The following ATP10A variants were observed in gnomAD, a reference collection of about 807,000 sequenced individuals.
ATP10A encodes phospholipid-transporting ATPase VA.
In ATP10A, 111 loss-of-function variants were observed where a neutral mutation model predicts 147.8. The ratio of observed to expected loss-of-function variants is 0.75; its 90% CI spans 0.64 to 0.88. The LOEUF (loss-of-function observed/expected upper bound fraction) is 0.88. ATP10A is among the 40% of genes least tolerant of loss of function. The pLI, the probability that ATP10A is intolerant of heterozygous loss-of-function variation, is 0.00. For synonymous variants in ATP10A, 875 were observed against 841.6 expected (o/e 1.04, Z -0.69); for missense variants, 1,927 against 1,959.0 (o/e 0.98, Z 0.31).
In ATP10A at chr15:25,759,446, T is replaced by C. The variant is rs922456469; in HGVS notation, c.654+21573A>G. 1.1e-4 allele frequency among the ~76,000 whole-genome samples: 17 copies of C among 152,236 alleles called. 1 individual carries two copies. Among genetic ancestry groups the C allele is most frequent in the Middle Eastern group, 6.8e-3 (2 of 294 alleles). ...AGCATTAGTATGAAAAGTACACTGATGGGAGGGAGGAGTTTGAGCCTCTGT... is the reference window on the plus strand; with the variant it reads ...AGCATTAGTATGAAAAGTACACTGACGGGAGGGAGGAGTTTGAGCCTCTGT... On this transcript the variant is annotated intron_variant, in intron 2 of 20. Coordinates refer to ENST00000555815, the MANE Select transcript of ATP10A (RefSeq NM_024490.4).
chr15:25,754,014 G>A (rs1016195561), intron 2 of ATP10A, among the ~76,000 whole-genome samples: 1 of 152,122 alleles, frequency 6.6e-6, no homozygotes, highest in Non-Finnish European at 1.5e-5. Context: ...TGCCTAGGCT[G>A]GTCTCAAACT....
Position 25,683,466 on chromosome 15 carries a change from A to C in ATP10A, c.3312T>G (p.Phe1104Leu), listed in dbSNP as rs1481179978. The C allele has an allele frequency of 1.9e-6, 3 of 1,613,694 alleles. No homozygotes were observed. Among genetic ancestry groups the C allele is most frequent in the East Asian group, 4.5e-5 (2 of 44,888 alleles). ...YKNTMFVGLLFWFQFFCGFSA... is the reference protein window; with the variant it reads ...YKNTMFVGLLLWFQFFCGFSA... ...AGAAGCCACAGAAAAACTGGAACCA[A>C]AACAGGAGGCCCACGAACATCTGAA... The change falls in exon 17 of 21, where the codon TTT becomes TTG. Residue 1104 changes from phenylalanine to leucine, a missense_variant. Transcript: ENST00000555815.
chr15:25,860,236 C>T (rs990341947), intron 1 of ATP10A, among the ~76,000 whole-genome samples: 3 of 152,152 alleles, frequency 2.0e-5, no homozygotes, highest in Non-Finnish European at 4.4e-5. Flanking sequence ...TCTCTCACTG[C>T]AGCACCCACT....
intron 2 of ATP10A, among the ~76,000 whole-genome samples, chr15:25,754,389 C>T (rs192128561): frequency 6.6e-6 from 1 of 152,224 alleles, no homozygotes; most frequent in Admixed American, 6.5e-5. Flanking sequence ...CTGCTTTGGC[C>T]TCAAAAGTTC....
chr15:25,810,320 G>T (rs1467149920), intron 1 of ATP10A, among the ~76,000 whole-genome samples: 1 of 152,176 alleles, frequency 6.6e-6, no homozygotes, highest in Admixed American at 6.5e-5. Context: ...CCACAGGGAG[G>T]ACAGCTCTGT....
Position 25,795,785 on chromosome 15 carries a change from C to T in ATP10A, c.450-14562G>A, listed in dbSNP as rs556824461. On this transcript the variant is annotated intron_variant, in intron 1 of 20. Coordinates refer to ENST00000555815, the MANE Select transcript of ATP10A (RefSeq NM_024490.4). Reference sequence around the variant, plus strand: ...ACCTCTGCTGAAGACCGATCCCCAGCGTTAGAGGTGGGGCCTCATGGGAGG... The same window carrying T: ...ACCTCTGCTGAAGACCGATCCCCAGTGTTAGAGGTGGGGCCTCATGGGAGG... Among the ~76,000 whole-genome samples, 8 of 152,270 alleles carry T rather than the reference C, an allele frequency of 5.3e-5. No individual in the cohort carries two copies. In the South Asian group the frequency reaches 8.3e-4, roughly 16 times the overall value.
chr15:25,679,965 G>C lies in ATP10A; in HGVS notation c.3876C>G (p.Phe1292Leu), dbSNP rs372296164. The change falls in exon 21 of 21, where the codon TTC becomes TTG. Residue 1292 changes from phenylalanine (F) to leucine (L), a missense_variant. Phe to Leu is a conservative substitution (Grantham distance 22). Coordinates refer to ENST00000555815, the MANE Select transcript of ATP10A (RefSeq NM_024490.4). ...GGAAAACCCTCCCCTGGAGGGATCT[G>C]AAAAACAATCTAGAAAAAGTACATT... ...PVAALLPRLF[F>L]RSLQGRVFPT... 10 of 1,591,602 alleles carry C rather than the reference G, an allele frequency of 6.3e-6. No individual in the cohort carries two copies. In the African/African-American group the frequency reaches 1.2e-4, roughly 19 times the overall value.
At chr15:25,683,069 A>T in intron 17 of ATP10A, among the ~76,000 whole-genome samples, 1 of 151,382 alleles carries the variant, frequency 6.6e-6, no homozygotes, top group East Asian at 1.9e-4. Flanking sequence ...GCTCCTGGAG[A>T]CTCTTGGAGG....
intron 1 of ATP10A, among the ~76,000 whole-genome samples, chr15:25,809,601 C>T (rs544868829): frequency 2.4e-4 from 37 of 152,226 alleles, no homozygotes; most frequent in South Asian, 6.2e-4. Flanking sequence ...TTAAACCCTT[C>T]GTTTTTATTC....
intron 2 of ATP10A, among the ~76,000 whole-genome samples, chr15:25,760,531 C>T (rs111578375): frequency 1.3e-5 from 2 of 152,130 alleles, no homozygotes; most frequent in African/African-American, 4.8e-5. Flanking sequence ...AGTGTTATGT[C>T]TTCAGGGCAG....
intron 2 of ATP10A, among the ~76,000 whole-genome samples, chr15:25,753,339 T>C (rs1888249575): frequency 6.6e-6 from 1 of 152,216 alleles, no homozygotes; most frequent in Admixed American, 6.5e-5. Context: ...GTACATGAGA[T>C]ACTTGTCTTT....
At chr15:25,756,375 G>A (rs1888409134) in intron 2 of ATP10A, among the ~76,000 whole-genome samples, 1 of 152,238 alleles carries the variant, frequency 6.6e-6, no homozygotes, top group Non-Finnish European at 1.5e-5. Context: ...CAGGCGCGGT[G>A]GCTCACGCCT....
intron 2 of ATP10A, among the ~76,000 whole-genome samples, chr15:25,760,904 G>C (rs1254817437): frequency 6.6e-6 from 1 of 152,132 alleles, no homozygotes; most frequent in African/African-American, 2.4e-5. Flanking sequence ...TCCACCTCTG[G>C]ATTTATCTAA....
intron 8 of ATP10A, among the ~76,000 whole-genome samples, chr15:25,717,784 C>A (rs897090781): frequency 6.6e-6 from 1 of 152,292 alleles, no homozygotes; most frequent in African/African-American, 2.4e-5. Flanking sequence ...AATGTCTGGG[C>A]GGCTGACAAG....
intron 2 of ATP10A, among the ~76,000 whole-genome samples, chr15:25,769,083 T>A (rs1889190894): frequency 6.6e-6 from 1 of 152,170 alleles, no homozygotes; most frequent in African/African-American, 2.4e-5. Context: ...CACACATGCA[T>A]GCACACGCGC....
Position 25,687,768 on chromosome 15 carries a change from G to C in ATP10A, c.3226C>G (p.Leu1076Val). The change falls in exon 16 of 21, where the codon CTT becomes GTT. Residue 1076 changes from leucine to valine, a missense_variant. Transcript: ENST00000555815. ...KFRYLERLLI[L>V]HGHWCYSRLA... ...CGGGAGTAGCACCAATGCCCGTGAA[G>C]AATCAAGAGCCTCTCCAGGTATCGG... 6.2e-7 allele frequency: 1 copy of C among 1,613,678 alleles called. No individual in the cohort carries two copies. The highest frequency in any genetic ancestry group is 8.5e-7 in the Non-Finnish European group (1 of 1,179,678).
At chr15:25,707,829 C>T (rs1056238099) in intron 12 of ATP10A, 147 bp downstream of exon 12, 83 of 1,164,028 alleles carry the variant, frequency 7.1e-5, no homozygotes, top group Non-Finnish European at 9.5e-5. Context: ...AAGCACCCTC[C>T]CGCCTCGGCT....
At chr15:25,775,135 A>G (rs1356586398) in intron 2 of ATP10A, among the ~76,000 whole-genome samples, 2 of 152,240 alleles carry the variant, frequency 1.3e-5, no homozygotes, top group Non-Finnish European at 2.9e-5. Flanking sequence ...AAATTTCATT[A>G]AAGACTAACA....
At chr15:25,762,606 G>A (rs111505572) in intron 2 of ATP10A, among the ~76,000 whole-genome samples, 273 of 151,906 alleles carry the variant, frequency 1.8e-3, no homozygotes, top group African/African-American at 6.0e-3. Context: ...TTTAGAGACA[G>A]GGTCTCACTC....
Sources: allele counts gnomAD v4.1 joint callset (sites outside exome capture counted in the v4.1 genomes callset), GRCh38; gene constraint gnomAD v4.1.1; transcripts MANE v1.5; gene names NCBI Gene and HGNC (gene_info 2026-07-23, HGNC 2026-07-21).